The following PCDHA5 variants were observed in gnomAD, a reference collection of about 807,000 sequenced individuals.
PCDHA5 encodes the protein protocadherin alpha 5, also known as protocadherin alpha-5.
PCDHA5 carries 43 observed loss-of-function variants against 61.6 expected under a neutral mutation model. That is an observed-to-expected ratio of 0.70 (90% CI 0.55 to 0.90). PCDHA5 has a LOEUF of 0.90. Among genes scored for constraint, PCDHA5 ranks in the 40% least tolerant of loss-of-function variants. The pLI, the probability that PCDHA5 is intolerant of heterozygous loss-of-function variation, is 0.00. For synonymous variants in PCDHA5, 627 were observed against 543.9 expected, an observed-to-expected ratio of 1.15 and a Z score of -2.13; for missense variants, 1,298 against 1,222.7, an observed-to-expected ratio of 1.06 and a Z score of -0.92.
At chr5:140,900,456 T>C (rs902615387) in intron 1 of PCDHA5, among the ~76,000 whole-genome samples, 3 of 152,210 alleles carry the variant, frequency 2.0e-5, no homozygotes, top group Non-Finnish European at 2.9e-5. Flanking sequence ...TTTTTATTTT[T>C]AGTAGACACG....
At chr5:140,907,517 G>C (rs1174112923) in intron 1 of PCDHA5, among the ~76,000 whole-genome samples, 1 of 152,192 alleles carries the variant, frequency 6.6e-6, no homozygotes, top group Non-Finnish European at 1.5e-5. Flanking sequence ...TTCCAGTGAG[G>C]ACAAATCGCT....
chr5:140,823,741 C>G lies in PCDHA5; in HGVS notation c.1966C>G (p.Pro656Ala), dbSNP rs782777236. ...GGTGCTGGTGAAGGACCATGGAGAGCCCCCGCTGACAGCCACAGCCACAGT... is the reference window on the plus strand; with the variant it reads ...GGTGCTGGTGAAGGACCATGGAGAGGCCCCGCTGACAGCCACAGCCACAGT... ...LLVLVKDHGEPPLTATATVLV... is the reference protein window; with the variant it reads ...LLVLVKDHGEAPLTATATVLV... Residue 656 changes from proline to alanine, a missense_variant, in exon 1 of 4, where the codon CCC (proline) becomes GCC (alanine). Physicochemically the swap from Pro to Ala is conservative, Grantham distance 27. Coordinates refer to ENST00000529859, the MANE Select transcript of PCDHA5 (RefSeq NM_018908.3). The G allele has an allele frequency of 6.2e-7, 1 of 1,613,838 alleles. No homozygotes were observed. The highest frequency in any genetic ancestry group is 1.3e-5 in the African/African-American group (1 of 75,032).
intron 1 of PCDHA5, among the ~76,000 whole-genome samples, chr5:140,906,181 T>C (rs944915696): frequency 6.6e-6 from 1 of 152,170 alleles, no homozygotes. Flanking sequence ...CTTTGCATCC[T>C]TCAATCCAAT....
chr5:140,995,388 A>G (rs1467282798), intron 3 of PCDHA5, among the ~76,000 whole-genome samples: 1 of 152,208 alleles, frequency 6.6e-6, no homozygotes. Flanking sequence ...GGCAGGATAA[A>G]GCGGGATGGC....
At chr5:140,870,001 G>T in intron 1 of PCDHA5, 34 of 1,613,566 alleles carry the variant, frequency 2.1e-5, no homozygotes, top group Non-Finnish European at 2.9e-5. Context: ...AAATAATGGA[G>T]AAGTGAGGGT....
intron 1 of PCDHA5, chr5:140,843,306 C>T (rs1393236321): frequency 1.3e-6 from 2 of 1,596,004 alleles, no homozygotes; most frequent in Non-Finnish European, 1.7e-6. Context: ...CTGACCGCCA[C>T]GGCCACGGTT....
In PCDHA5 at chr5:140,858,202, A is replaced by C. The variant is rs782325182; in HGVS notation, c.2352+34075A>C. On this transcript the variant is annotated intron_variant, in intron 1 of 3. Transcript: ENST00000529859. The stretch of plus-strand genomic sequence containing the variant: ...TGCTCACGCTGCTGCTGTACACTGC[A>C]CTGAGGTGCTCGGCGGCGCCCACCG... The C allele has an allele frequency of 1.9e-6, 3 of 1,596,904 alleles. No homozygotes were observed. In the East Asian group the frequency reaches 6.7e-5, roughly 36 times the overall value.
chr5:140,842,383 C>G lies in PCDHA5; in HGVS notation c.2352+18256C>G, dbSNP rs1554138979. 20 of 1,610,678 alleles carry G rather than the reference C, an allele frequency of 1.2e-5. No individual in the cohort carries two copies. In the South Asian group the frequency reaches 2.2e-4, roughly 18 times the overall value. On this transcript the variant is annotated intron_variant, in intron 1 of 3. Coordinates refer to ENST00000529859, the MANE Select transcript of PCDHA5 (RefSeq NM_018908.3). ...ACGTCCCTGAGATAGCACTGACTTC[C>G]TTATCCTTGCCTGTACGTGAAGACG... is the stretch of plus-strand genomic sequence containing the variant.
chr5:140,964,556 G>A (rs2095839745), intron 1 of PCDHA5, among the ~76,000 whole-genome samples: 1 of 152,166 alleles, frequency 6.6e-6, no homozygotes. Context: ...GCGACTTGGA[G>A]GGCTGGGAGG....
At position 140,823,247 on chromosome 5, in the gene PCDHA5, A is replaced by G; in HGVS notation, c.1472A>G (p.Tyr491Cys). The part of the protein sequence containing the change: ...ADAQENALVS[Y>C]SLVERRVGER... ...GCGCAGGAGAACGCCCTGGTGTCCTACTCGCTGGTGGAGCGGCGGGTGGGC... is the reference window on the plus strand; with the variant it reads ...GCGCAGGAGAACGCCCTGGTGTCCTGCTCGCTGGTGGAGCGGCGGGTGGGC... The change falls in exon 1 of 4, where the codon TAC becomes TGC. Residue 491 changes from tyrosine to cysteine, a missense_variant. Transcript: ENST00000529859. The G allele has an allele frequency of 6.2e-7, 1 of 1,613,366 alleles. No individual in the cohort carries two copies. The highest frequency in any genetic ancestry group is 8.5e-7 in the Non-Finnish European group (1 of 1,179,770).
At chr5:140,971,322 A>G (rs1344853773) in intron 1 of PCDHA5, among the ~76,000 whole-genome samples, 6 of 152,224 alleles carry the variant, frequency 3.9e-5, no homozygotes, top group Admixed American at 3.9e-4. Context: ...TCTAGGGAGA[A>G]AATTATTTCA....
At chr5:140,826,265 A>G (rs1356174007) in intron 1 of PCDHA5, among the ~76,000 whole-genome samples, 3 of 152,202 alleles carry the variant, frequency 2.0e-5, no homozygotes, top group Non-Finnish European at 4.4e-5. Context: ...TCAAGTCTTT[A>G]TGTATATTTT....
intron 1 of PCDHA5, chr5:140,848,602 C>A (rs140949600): frequency 8.2e-6 from 13 of 1,593,476 alleles, no homozygotes; most frequent in Non-Finnish European, 1.1e-5. Flanking sequence ...TACTCCGTCC[C>A]GGAGGAAGCC....
chr5:140,902,756 C>A (rs1434955469), intron 1 of PCDHA5, among the ~76,000 whole-genome samples: 1 of 150,258 alleles, frequency 6.7e-6, no homozygotes, highest in Admixed American at 6.6e-5. Flanking sequence ...TTATATCATT[C>A]TTATGTCTTT....
chr5:140,864,439 T>A (rs2048478325), intron 1 of PCDHA5: 1 of 152,242 alleles, frequency 6.6e-6, no homozygotes, highest in South Asian at 2.1e-4. Flanking sequence ...CAATTTTGTT[T>A]CTTCATGATC....
intron 1 of PCDHA5, chr5:140,870,983 C>T (rs1554164955): frequency 1.2e-6 from 2 of 1,613,520 alleles, no homozygotes; most frequent in East Asian, 2.2e-5. Context: ...GGGCTGTACA[C>T]GGGCGAGATA....
rs566250084 is a variant in PCDHA5 at position 140,877,055 on chromosome 5, T to G, written c.2352+52928T>G. The G allele has an allele frequency of 2.5e-6, 4 of 1,612,792 alleles. No homozygotes were observed. In the East Asian group the frequency reaches 8.9e-5, roughly 36 times the overall value. On this transcript the variant is annotated intron_variant, in intron 1 of 3. Coordinates refer to ENST00000529859, the MANE Select transcript of PCDHA5 (RefSeq NM_018908.3). ...CTGCAGCCGCTAGACCACGAGGAGC[T>G]GGAGCTGCTGCAGTTCCAGGTGAGC...
In PCDHA5 at chr5:140,937,571, C is replaced by T. The variant is rs188926211; in HGVS notation, c.2353-41378C>T. 1.3e-4 allele frequency among the ~76,000 whole-genome samples: 20 copies of T among 151,578 alleles called. No homozygotes were observed. The East Asian group carries it at 2.7e-3, about 21-fold the overall frequency. On this transcript the variant is annotated intron_variant, in intron 1 of 3. Coordinates refer to ENST00000529859, the MANE Select transcript of PCDHA5 (RefSeq NM_018908.3). Reference sequence around the variant, plus strand: ...GGCAGAGGTTGCAGTGAGCTGGGATCGCGTCACTGCACTCTAGCCTGGGCA... The same window carrying T: ...GGCAGAGGTTGCAGTGAGCTGGGATTGCGTCACTGCACTCTAGCCTGGGCA...
rs1305533270 is a variant in PCDHA5, at chr5:141,000,401, A to C, written c.2501-9226A>C. Among the ~76,000 whole-genome samples the C allele has an allele frequency of 8.1e-3, 613 of 75,996 alleles. 4 individuals are homozygous for C. The highest frequency in any genetic ancestry group is 0.017 in the East Asian group (44 of 2,548). The allele number at this position is 75,996 out of a possible 152,430, so 49.9% of individuals were successfully genotyped here. A position where few individuals can be genotyped will look rare whatever the true frequency, so the allele number is the denominator to read the frequency against. On this transcript the variant is annotated intron_variant, in intron 3 of 3. Transcript: ENST00000529859. Reference sequence around the variant, plus strand: ...TCTCTCTCTCTCTCTCTCTCTATATATATATATATATATATATATATTTTT... The same window carrying C: ...TCTCTCTCTCTCTCTCTCTCTATATCTATATATATATATATATATATTTTT...
Sources: gnomAD v4.1 joint callset for allele counts (sites outside exome capture counted in the v4.1 genomes callset) on GRCh38, gnomAD v4.1.1 for gene constraint, MANE v1.5 for transcripts, NCBI Gene and HGNC (gene_info 2026-07-23, HGNC 2026-07-21) for gene names.